The following THSD7A variants were observed in gnomAD, a reference collection of about 807,000 sequenced individuals.
THSD7A encodes thrombospondin type-1 domain-containing protein 7A.
A neutral mutation model predicts 231.3 loss-of-function variants in THSD7A; 96 were observed. That is an observed-to-expected ratio of 0.41 (90% confidence interval 0.35 to 0.49). THSD7A has a LOEUF of 0.49. Among genes scored for constraint, THSD7A ranks in the 20% least tolerant of loss-of-function variants. The probability of loss-of-function intolerance (pLI) is 0.05; values close to 1 mark genes in which losing one functional copy is unlikely to be tolerated. For missense variants in THSD7A, 2,290 were observed against 2,070.2 expected (o/e 1.11, Z -2.06); for synonymous variants, 940 against 743.3 (o/e 1.26, Z -4.30).
Position 11,600,076 on chromosome 7 carries a change from T to C in THSD7A, c.1023-6574A>G, listed in dbSNP as rs999323753. ...AGCTCCTCAGCTTGCAGATGGCCTA[T>C]TGTGGGATCTTGTGATTGTGTGAGT... is the stretch of plus-strand genomic sequence containing the variant. On this transcript the variant is annotated intron_variant, in intron 2 of 27. Coordinates refer to ENST00000423059, the MANE Select transcript of THSD7A (RefSeq NM_015204.3). Among the ~76,000 whole-genome samples, 3 of 152,020 alleles carry C rather than the reference T, an allele frequency of 2.0e-5. No homozygotes were observed. In the South Asian group the frequency reaches 6.2e-4, roughly 32 times the overall value.
At chr7:11,379,876 T>C (rs918588081) in intron 24 of THSD7A, 164 bp from the exon 25 acceptor site, 6 of 705,080 alleles carry the variant, frequency 8.5e-6, no homozygotes, top group Non-Finnish European at 1.2e-5. Flanking sequence ...GACCACCTTA[T>C]GTAGTGACTC....
At chr7:11,398,955 C>G (rs1041561569) in intron 23 of THSD7A, among the ~76,000 whole-genome samples, 1 of 152,186 alleles carries the variant, frequency 6.6e-6, no homozygotes, top group Non-Finnish European at 1.5e-5. Context: ...TTCCTCACAT[C>G]CCGTTGTTTA....
intron 6 of THSD7A, among the ~76,000 whole-genome samples, chr7:11,503,885 G>A (rs1282601612): frequency 6.6e-6 from 1 of 152,170 alleles, no homozygotes; most frequent in African/African-American, 2.4e-5. Context: ...TTCAACCATT[G>A]TGGAAAACAG....
At chr7:11,588,390 T>C (rs1392691069) in intron 4 of THSD7A, among the ~76,000 whole-genome samples, 1 of 152,174 alleles carries the variant, frequency 6.6e-6, no homozygotes, top group East Asian at 1.9e-4. Context: ...AGTTCGTTAG[T>C]ATTCTTGGTA....
intron 1 of THSD7A, among the ~76,000 whole-genome samples, chr7:11,670,938 C>T (rs1689256300): frequency 6.6e-6 from 1 of 152,152 alleles, no homozygotes; most frequent in South Asian, 2.1e-4. Context: ...AGCAACTGGT[C>T]TTAAATGGTG....
chr7:11,777,529 G>C (rs965911531), intron 1 of THSD7A, among the ~76,000 whole-genome samples: 82 of 151,870 alleles, frequency 5.4e-4, no homozygotes, highest in African/African-American at 1.9e-3. Context: ...ATATAATTCA[G>C]AGTCTCTACC....
At chr7:11,515,831 A>G (rs964960076) in intron 6 of THSD7A, among the ~76,000 whole-genome samples, 1 of 152,176 alleles carries the variant, frequency 6.6e-6, no homozygotes, top group African/African-American at 2.4e-5. Context: ...CAGGGATATA[A>G]GCTCACAAGT....
chr7:11,821,199 A>G, intron 1 of THSD7A: 1 of 1,173,456 alleles, frequency 8.5e-7, no homozygotes, highest in Admixed American at 1.7e-5. Flanking sequence ...GCTCTTTAAC[A>G]TGGTGAACAA....
Position 11,475,582 on chromosome 7 carries a change from CAT to C in THSD7A, c.2018-1016_2018-1015del, listed in dbSNP as rs201519999. 5.2e-4 allele frequency among the ~76,000 whole-genome samples: 76 copies of C among 145,362 alleles called. 1 individual carries two copies. The East Asian group carries it at 0.012, about 23-fold the overall frequency. ...ATATATAACATATATGTATATATAA[CAT>C]ATATGTATATAACATATATATAACA... is the stretch of plus-strand genomic sequence containing the variant. On this transcript the variant is annotated intron_variant, in intron 7 of 27. Transcript: ENST00000423059.
intron 6 of THSD7A, among the ~76,000 whole-genome samples, chr7:11,520,453 T>C (rs913860406): frequency 2.6e-5 from 4 of 152,214 alleles, no homozygotes; most frequent in African/African-American, 9.7e-5. Flanking sequence ...ATTAATTATA[T>C]ACCTTTTTCT....
In THSD7A at chr7:11,600,788, A is replaced by G. The variant is rs535854509; in HGVS notation, c.1023-7286T>C. 5.9e-5 allele frequency among the ~76,000 whole-genome samples: 9 copies of G among 152,348 alleles called. No homozygotes were observed. In the East Asian group the frequency reaches 1.5e-3, roughly 26 times the overall value. On this transcript the variant is annotated intron_variant, in intron 2 of 27. Transcript: ENST00000423059. Reference sequence around the variant, plus strand: ...CTGGTCCATTTTAATGCAACAACTCATGTTCAATCTTCTTAATCCTACTGG... The same window carrying G: ...CTGGTCCATTTTAATGCAACAACTCGTGTTCAATCTTCTTAATCCTACTGG...
At chr7:11,524,598 C>G (rs1044100528) in intron 6 of THSD7A, among the ~76,000 whole-genome samples, 2 of 152,106 alleles carry the variant, frequency 1.3e-5, no homozygotes, top group South Asian at 2.1e-4. Context: ...TGTTTACAGT[C>G]TTTATATGTG....
intron 1 of THSD7A, among the ~76,000 whole-genome samples, chr7:11,751,718 C>T (rs992046388): frequency 2.6e-5 from 4 of 151,832 alleles, no homozygotes; most frequent in African/African-American, 9.7e-5. Context: ...TTAGACTTTA[C>T]GGTACACTGG....
intron 1 of THSD7A, among the ~76,000 whole-genome samples, chr7:11,687,689 C>G (rs920711638): frequency 1.3e-5 from 2 of 151,770 alleles, no homozygotes; most frequent in Non-Finnish European, 2.9e-5. Flanking sequence ...TTTTGACAAA[C>G]AAAGAAAACT....
intron 16 of THSD7A, among the ~76,000 whole-genome samples, chr7:11,421,835 C>T (rs1157202909): frequency 1.3e-5 from 2 of 152,176 alleles, no homozygotes; most frequent in African/African-American, 4.8e-5. Context: ...AAATGTGCCA[C>T]AATTGTTAAA....
intron 6 of THSD7A, among the ~76,000 whole-genome samples, chr7:11,494,431 C>T (rs1787017661): frequency 6.6e-6 from 1 of 151,892 alleles, no homozygotes; most frequent in Non-Finnish European, 1.5e-5. Context: ...CAAACCTCTC[C>T]CCAATCTAAA....
At chr7:11,785,847 T>A (rs144380174) in intron 1 of THSD7A, among the ~76,000 whole-genome samples, 1 of 152,102 alleles carries the variant, frequency 6.6e-6, no homozygotes, top group Non-Finnish European at 1.5e-5. Flanking sequence ...AATAAAATAA[T>A]AGGCTAATTC....
chr7:11,423,992 G>C (rs1362437868), intron 16 of THSD7A, among the ~76,000 whole-genome samples: 1 of 152,144 alleles, frequency 6.6e-6, no homozygotes, highest in Non-Finnish European at 1.5e-5. Flanking sequence ...TAGACATGAA[G>C]AGGGGTCTTT....
At chr7:11,776,015 T>C (rs1360657253) in intron 1 of THSD7A, among the ~76,000 whole-genome samples, 1 of 152,172 alleles carries the variant, frequency 6.6e-6, no homozygotes, top group East Asian at 1.9e-4. Context: ...AAATGAGATT[T>C]GATATTCTTT....
Sources: gnomAD v4.1 joint callset for allele counts (sites outside exome capture counted in the v4.1 genomes callset) on GRCh38, gnomAD v4.1.1 for gene constraint, MANE v1.5 for transcripts, NCBI Gene and HGNC (gene_info 2026-07-23, HGNC 2026-07-21) for gene names.